The following CLYBL variants were observed in gnomAD, a reference collection of about 807,000 sequenced individuals.
CLYBL encodes the protein citramalyl-CoA lyase, mitochondrial.
CLYBL carries 31 observed loss-of-function variants against 38.9 expected under a neutral mutation model. The ratio of observed to expected loss-of-function variants is 0.80; its 90% CI spans 0.60 to 1.08. The LOEUF (loss-of-function observed/expected upper bound fraction) is 1.08. Ranked by LOEUF, CLYBL falls within the 50% of genes least tolerant of loss-of-function variation. The pLI is 0.00. For synonymous variants in CLYBL, 171 were observed against 158.6 expected, an observed-to-expected ratio of 1.08 and a Z score of -0.59; for missense variants, 434 against 411.6, an observed-to-expected ratio of 1.05 and a Z score of -0.47.
At chr13:99,682,684 TA>T (rs1246609705) in intron 1 of CLYBL, among the ~76,000 whole-genome samples, 4 of 151,622 alleles carry the variant, frequency 2.6e-5, no homozygotes, top group Non-Finnish European at 4.4e-5. Flanking sequence ...CTACATTTAT[TA>T]AAAAAAACAA....
At chr13:99,693,447 C>T (rs1338870649) in intron 1 of CLYBL, among the ~76,000 whole-genome samples, 2 of 151,706 alleles carry the variant, frequency 1.3e-5, no homozygotes, top group African/African-American at 2.4e-5. Flanking sequence ...GGAGGCAGCT[C>T]GGTATTATCC....
intron 5 of CLYBL, 48 bp from the exon 6 acceptor site, chr13:99,866,191 CG>C: frequency 1.3e-6 from 2 of 1,558,576 alleles, no homozygotes; most frequent in Non-Finnish European, 1.8e-6. Flanking sequence ...TATCTGGGTG[CG>C]GTTTCCAAAG....
intron 2 of CLYBL, among the ~76,000 whole-genome samples, chr13:99,851,717 G>C (rs9585245): frequency 0.027 from 4,167 of 152,248 alleles, 190 homozygotes; most frequent in African/African-American, 0.095. Flanking sequence ...CAGTTGGAAA[G>C]GAACCCTCAA....
In CLYBL at chr13:99,772,985, A is replaced by T. The variant is rs747858138; in HGVS notation, c.224A>T (p.Glu75Val). 5.0e-6 allele frequency: 8 copies of T among 1,610,328 alleles called. No individual in the cohort carries two copies. The highest frequency in any genetic ancestry group is 6.8e-6 in the Non-Finnish European group (8 of 1,179,318). Residue 75 changes from glutamate to valine, a missense_variant, in exon 2 of 9, where the codon GAG becomes GTG. Coordinates refer to ENST00000339105, the MANE Select transcript of CLYBL (RefSeq NM_206808.5). ...LNVDCAVLDC[E>V]DGVAANKKNE... is the part of the protein sequence containing the mutation. ...GTAGATTGTGCAGTGCTCGACTGTGAGGATGGAGTGGCTGCAAACAAAAAG... is the reference window on the plus strand; with the variant it reads ...GTAGATTGTGCAGTGCTCGACTGTGTGGATGGAGTGGCTGCAAACAAAAAG...
intron 1 of CLYBL, among the ~76,000 whole-genome samples, chr13:99,765,791 C>T (rs532712620): frequency 7.9e-5 from 12 of 152,056 alleles, no homozygotes; most frequent in Non-Finnish European, 1.2e-4. Flanking sequence ...GCAATCCACC[C>T]GCCTTGGCCT....
At chr13:99,632,993 C>T (rs1401149807) in intron 1 of CLYBL, among the ~76,000 whole-genome samples, 4 of 114,776 alleles carry the variant, frequency 3.5e-5, no homozygotes, top group Non-Finnish European at 7.7e-5. Flanking sequence ...GTAATCCCAA[C>T]ACTTTGGGGG....
intron 1 of CLYBL, among the ~76,000 whole-genome samples, chr13:99,646,228 A>T (rs1182756846): frequency 6.6e-6 from 1 of 152,098 alleles, no homozygotes; most frequent in Non-Finnish European, 1.5e-5. Context: ...TTTTTTCTGT[A>T]TTCAGTAGTA....
At chr13:99,780,658 G>A (rs1296073702) in intron 2 of CLYBL, among the ~76,000 whole-genome samples, 1 of 151,056 alleles carries the variant, frequency 6.6e-6, no homozygotes, top group Non-Finnish European at 1.5e-5. Context: ...TTACAGGCAT[G>A]AGCCACCATG....
At chr13:99,892,142 T>C (rs866171977) in intron 8 of CLYBL, 2 of 152,192 alleles carry the variant, frequency 1.3e-5, no homozygotes, top group African/African-American at 4.8e-5. Context: ...ATTCTCCCCC[T>C]TTATTTTCCC....
At chr13:99,796,193 G>T (rs1260503411) in intron 2 of CLYBL, among the ~76,000 whole-genome samples, 2 of 152,156 alleles carry the variant, frequency 1.3e-5, no homozygotes, top group Non-Finnish European at 2.9e-5. Context: ...AGCCATGATT[G>T]GGCTGCTTCA....
chr13:99,781,212 G>T (rs907484898), intron 2 of CLYBL, among the ~76,000 whole-genome samples: 1 of 148,298 alleles, frequency 6.7e-6, no homozygotes, highest in African/African-American at 2.5e-5. Flanking sequence ...GCTGTGTCAC[G>T]CAGGCTGGAG....
chr13:99,678,664 TC>T (rs1262963763), intron 1 of CLYBL, among the ~76,000 whole-genome samples: 2 of 152,246 alleles, frequency 1.3e-5, no homozygotes, highest in African/African-American at 4.8e-5. Context: ...TTGCCTTTTT[TC>T]TGCAACCAAA....
At chr13:99,813,964 T>C (rs2050391957) in intron 2 of CLYBL, among the ~76,000 whole-genome samples, 2 of 152,212 alleles carry the variant, frequency 1.3e-5, no homozygotes, top group African/African-American at 4.8e-5. Context: ...CTTCTCCAAC[T>C]GCCAAAGCCT....
intron 1 of CLYBL, among the ~76,000 whole-genome samples, chr13:99,634,952 G>A (rs561966248): frequency 2.0e-5 from 3 of 152,160 alleles, no homozygotes; most frequent in African/African-American, 7.2e-5. Flanking sequence ...GCTCATTCCC[G>A]GAGCGGCAGC....
intron 1 of CLYBL, among the ~76,000 whole-genome samples, chr13:99,620,992 A>C (rs1483311827): frequency 6.6e-6 from 1 of 152,136 alleles, no homozygotes; most frequent in Non-Finnish European, 1.5e-5. Context: ...TTCTCTGGAC[A>C]AAGTCCCAAG....
chr13:99,737,164 T>A lies in CLYBL; in HGVS notation c.63-35660T>A, dbSNP rs1426428046. ...AGTTGATACAAATCCATCTTTATTTTCTGCAGGGCCAGCTCCTTAGCCCAG... is the reference window on the plus strand; with the variant it reads ...AGTTGATACAAATCCATCTTTATTTACTGCAGGGCCAGCTCCTTAGCCCAG... On this transcript the variant is annotated intron_variant, in intron 1 of 8. Transcript: ENST00000339105. 2.2e-5 allele frequency among the ~76,000 whole-genome samples: 3 copies of A among 134,474 alleles called. No individual in the cohort carries two copies. The East Asian group carries it at 5.8e-4, about 26-fold the overall frequency. 88.2% of individuals were successfully genotyped at this position (134,474 alleles called of 152,430 possible). A position where few individuals can be genotyped will look rare whatever the true frequency, so the allele number is the denominator to read the frequency against.
chr13:99,863,882 T>C (rs16957003), intron 4 of CLYBL, among the ~76,000 whole-genome samples: 4,344 of 152,074 alleles, frequency 0.029, 229 homozygotes, highest in African/African-American at 0.099. Context: ...AGAAAAAACA[T>C]AGTCGAACTG....
intron 1 of CLYBL, among the ~76,000 whole-genome samples, chr13:99,744,264 G>A (rs1042651751): frequency 1.3e-5 from 2 of 151,940 alleles, no homozygotes; most frequent in African/African-American, 2.4e-5. Context: ...GAGCCACCGC[G>A]CCCAGCTACA....
chr13:99,791,693 C>T (rs2138891730), intron 2 of CLYBL, among the ~76,000 whole-genome samples: 1 of 152,324 alleles, frequency 6.6e-6, no homozygotes, highest in African/African-American at 2.4e-5. Context: ...GTGCTGAGAG[C>T]TGTGCCCAGC....
Sources: gnomAD v4.1 joint callset for allele counts (sites outside exome capture counted in the v4.1 genomes callset) on GRCh38, gnomAD v4.1.1 for gene constraint, MANE v1.5 for transcripts, NCBI Gene and HGNC (gene_info 2026-07-23, HGNC 2026-07-21) for gene names.